The following PHF24 variants were observed in gnomAD, a reference collection of about 807,000 sequenced individuals.
PHF24 encodes Galpha inhibitory interacting protein.
In PHF24, 25 loss-of-function variants were observed where a neutral mutation model predicts 42.6. That is an observed-to-expected ratio of 0.59 (90% confidence interval 0.43 to 0.82). The LOEUF (loss-of-function observed/expected upper bound fraction) is 0.82, where lower values mean the gene tolerates loss of function less well. Among genes scored for constraint, PHF24 ranks in the 40% least tolerant of loss-of-function variants. The pLI, the probability that PHF24 is intolerant of heterozygous loss-of-function variation, is 0.00. For synonymous variants in PHF24, 185 were observed against 204.8 expected (o/e 0.90, Z 0.83); for missense variants, 470 against 538.1 (o/e 0.87, Z 1.25).
chr9:34,773,482 T>G, the PHF24 span, among the ~76,000 whole-genome samples: 105 of 149,540 alleles, frequency 7.0e-4, no homozygotes, highest in Non-Finnish European at 1.3e-3. Flanking sequence ...ACTGCAAGAG[T>G]TCCCAATGAC....
chr9:34,688,765 C>T, the PHF24 span, among the ~76,000 whole-genome samples: 1 of 152,230 alleles, frequency 6.6e-6, no homozygotes, highest in African/African-American at 2.4e-5. Flanking sequence ...GGACCCTCAG[C>T]CCTGGCTGCT....
the PHF24 span, among the ~76,000 whole-genome samples, chr9:34,897,156 A>T: frequency 6.6e-6 from 1 of 152,180 alleles, no homozygotes; most frequent in East Asian, 1.9e-4. Context: ...ACTCTGCCTC[A>T]AAAACAAACA....
the PHF24 span, among the ~76,000 whole-genome samples, chr9:34,940,902 C>T: frequency 6.6e-6 from 1 of 152,204 alleles, no homozygotes; most frequent in Non-Finnish European, 1.5e-5. Flanking sequence ...CCTTTTCTCT[C>T]AGACTGGTTC....
chr9:34,813,757 T>C, the PHF24 span, among the ~76,000 whole-genome samples: 6 of 152,222 alleles, frequency 3.9e-5, no homozygotes, highest in African/African-American at 1.4e-4. Flanking sequence ...GAGTGACTTC[T>C]GCTCACCTTT....
chr9:34,699,304 AAG>A, the PHF24 span, among the ~76,000 whole-genome samples: 7 of 152,220 alleles, frequency 4.6e-5, no homozygotes, highest in Non-Finnish European at 1.5e-5. Flanking sequence ...CATTAGCTGG[AAG>A]AGACAGCTGA....
the PHF24 span, among the ~76,000 whole-genome samples, chr9:34,830,526 C>T: frequency 6.6e-6 from 1 of 152,126 alleles, no homozygotes; most frequent in Non-Finnish European, 1.5e-5. Flanking sequence ...GACAAGGTCC[C>T]CTTAGGTCTC....
At chr9:34,751,461 C>T in the PHF24 span, among the ~76,000 whole-genome samples, 3 of 152,004 alleles carry the variant, frequency 2.0e-5, no homozygotes, top group Non-Finnish European at 4.4e-5. Flanking sequence ...CAAAGAAGGT[C>T]ATTATATAAT....
the PHF24 span, among the ~76,000 whole-genome samples, chr9:34,703,221 C>T: frequency 6.6e-6 from 1 of 151,888 alleles, no homozygotes; most frequent in Non-Finnish European, 1.5e-5. Flanking sequence ...GTTGCCCAGG[C>T]TGGAGCGCAA....
the PHF24 span, among the ~76,000 whole-genome samples, chr9:34,716,908 C>G: frequency 3.3e-5 from 5 of 152,182 alleles, no homozygotes; most frequent in African/African-American, 1.2e-4. Flanking sequence ...TGCACCCGGC[C>G]TGGTTTTAAG....
the PHF24 span, among the ~76,000 whole-genome samples, chr9:34,855,520 T>A: frequency 6.6e-6 from 1 of 152,226 alleles, no homozygotes; most frequent in African/African-American, 2.4e-5. Flanking sequence ...ATCTTATTTC[T>A]CCTTTGCTTA....
the PHF24 span, chr9:34,691,201 A>G: frequency 2.0e-6 from 3 of 1,522,140 alleles, no homozygotes; most frequent in Non-Finnish European, 2.7e-6. Context: ...GGGTGTGTGC[A>G]GGATCTGTGT....
chr9:34,766,199 T>A, the PHF24 span, among the ~76,000 whole-genome samples: 2 of 152,270 alleles, frequency 1.3e-5, no homozygotes, highest in Admixed American at 1.3e-4. Context: ...TCTTCTCGAA[T>A]GGTATCTTTG....
the PHF24 span, chr9:34,726,586 G>T: frequency 6.4e-7 from 1 of 1,551,946 alleles, no homozygotes; most frequent in East Asian, 2.4e-5. Context: ...AAGCTATGGT[G>T]TTTGGGCCCC....
At chr9:34,959,122 G>C (rs1277032056) in intron 1 of PHF24, among the ~76,000 whole-genome samples, 1 of 152,220 alleles carries the variant, frequency 6.6e-6, no homozygotes, top group Admixed American at 6.5e-5. Flanking sequence ...TGCTGCGAGA[G>C]CACAGGGCCC....
the PHF24 span, among the ~76,000 whole-genome samples, chr9:34,951,848 CT>C: frequency 1.3e-5 from 2 of 152,244 alleles, no homozygotes; most frequent in Non-Finnish European, 2.9e-5. Context: ...GCTCTGGATT[CT>C]TGCTGGCTGT....
At chr9:34,977,578 G>T in exon 7 of PHF24, 1 of 1,609,812 alleles carries the variant, frequency 6.2e-7, no homozygotes, top group Non-Finnish European at 8.5e-7. Context: ...GCAGATAGCA[G>T]CCCAGCCAGC....
chr9:34,918,020 G>A, the PHF24 span: 2 of 1,259,106 alleles, frequency 1.6e-6, no homozygotes, highest in Non-Finnish European at 2.3e-6. Context: ...AGCGACACCA[G>A]TACCACATCT....
chr9:34,738,415 A>G, the PHF24 span, among the ~76,000 whole-genome samples: 1 of 151,958 alleles, frequency 6.6e-6, no homozygotes, highest in Non-Finnish European at 1.5e-5. Context: ...CGGTGGTGCA[A>G]TCTCGGCTCA....
chr9:34,726,682 G>A, the PHF24 span: 1 of 1,551,564 alleles, frequency 6.4e-7, no homozygotes. Flanking sequence ...ACGTTGACTG[G>A]GCAGCTGACT....
Sources: gnomAD v4.1 joint callset for allele counts (sites outside exome capture counted in the v4.1 genomes callset) on GRCh38, gnomAD v4.1.1 for gene constraint, MANE v1.5 for transcripts, NCBI Gene and HGNC (gene_info 2026-07-23, HGNC 2026-07-21) for gene names.